Variants in IKZF3 observed in about 807,000 individuals in gnomAD.
IKZF3 encodes the protein zinc finger protein Aiolos.
Under a neutral mutation model 49.0 loss-of-function variants are expected in IKZF3, and 10 were observed. That is an observed-to-expected ratio of 0.20 (90% CI 0.13 to 0.35). The LOEUF (loss-of-function observed/expected upper bound fraction) is 0.35, where lower values mean the gene tolerates loss of function less well. Ranked by LOEUF, IKZF3 falls within the 10% of genes least tolerant of loss-of-function variation. IKZF3 has a pLI of 1.00. For missense variants in IKZF3, 498 were observed against 664.8 expected, an observed-to-expected ratio of 0.75 and a Z score of 2.76; for synonymous variants, 209 against 228.2, an observed-to-expected ratio of 0.92 and a Z score of 0.76.
At chr17:39,843,734 G>T (rs574794873) in intron 1 of IKZF3, among the ~76,000 whole-genome samples, 3 of 151,782 alleles carry the variant, frequency 2.0e-5, no homozygotes, top group Admixed American at 1.3e-4. Context: ...TTGAACACGG[G>T]GGGCAGAGGT....
At chr17:39,789,220 A>C (rs907251385) in intron 5 of IKZF3, among the ~76,000 whole-genome samples, 28 of 152,302 alleles carry the variant, frequency 1.8e-4, no homozygotes, top group Admixed American at 1.8e-3. Context: ...ACCTGAGGTC[A>C]GGAGTTCGAG....
chr17:39,833,942 T>C (rs1244365589), intron 1 of IKZF3, among the ~76,000 whole-genome samples: 2 of 152,200 alleles, frequency 1.3e-5, no homozygotes, highest in African/African-American at 2.4e-5. Flanking sequence ...TCATCTAATG[T>C]CCTTTTTCTG....
At chr17:39,829,796 A>G (rs550428129) in intron 2 of IKZF3, among the ~76,000 whole-genome samples, 11 of 152,274 alleles carry the variant, frequency 7.2e-5, no homozygotes, top group African/African-American at 2.4e-4. Flanking sequence ...TACTAAAAAT[A>G]CAAAAATTAG....
intron 1 of IKZF3, among the ~76,000 whole-genome samples, chr17:39,862,736 T>C (rs1408348773): frequency 6.6e-6 from 1 of 152,184 alleles, no homozygotes; most frequent in Non-Finnish European, 1.5e-5. Context: ...ATTTATAGTC[T>C]ACACACTCTA....
intron 6 of IKZF3, among the ~76,000 whole-genome samples, chr17:39,782,418 C>T (rs2060766221): frequency 6.6e-6 from 1 of 151,992 alleles, no homozygotes; most frequent in African/African-American, 2.4e-5. Flanking sequence ...CAACAACACA[C>T]ACACACACAC....
intron 3 of IKZF3, among the ~76,000 whole-genome samples, chr17:39,801,409 T>C (rs755455880): frequency 6.6e-6 from 1 of 152,034 alleles, no homozygotes; most frequent in Non-Finnish European, 1.5e-5. Context: ...ATTAAACAAA[T>C]TGTGAAAGCA....
At chr17:39,849,625 C>G (rs1453356723) in intron 1 of IKZF3, among the ~76,000 whole-genome samples, 1 of 152,048 alleles carries the variant, frequency 6.6e-6, no homozygotes. Flanking sequence ...GAACTTCAAC[C>G]TGGGCAACAG....
Position 39,765,626 on chromosome 17 carries a change from C to A in IKZF3, c.*164G>T. ...AATATGCTAGACCTGCGAATAATTT[C>A]TGAAGGAAGACAGTGTTTCCCTGGC... On this transcript the variant is annotated 3_prime_UTR_variant, in exon 8 of 8. Coordinates refer to ENST00000346872, the MANE Select transcript of IKZF3 (RefSeq NM_012481.5). 1.8e-6 allele frequency: 1 copy of A among 559,208 alleles called. No homozygotes were observed. Among genetic ancestry groups the A allele is most frequent in the Non-Finnish European group, 3.1e-6 (1 of 318,154 alleles). The allele number at this position is 559,208 out of a possible 1,614,324, so 34.6% of individuals were successfully genotyped here. A position where few individuals can be genotyped will look rare whatever the true frequency, so the allele number is the denominator to read the frequency against.
At chr17:39,853,495 A>G (rs1366875642) in intron 1 of IKZF3, among the ~76,000 whole-genome samples, 1 of 152,174 alleles carries the variant, frequency 6.6e-6, no homozygotes, top group Non-Finnish European at 1.5e-5. Flanking sequence ...GGTTTTGCTG[A>G]TACTGTTTAA....
At chr17:39,781,186 A>G (rs1005866797) in intron 6 of IKZF3, among the ~76,000 whole-genome samples, 1 of 152,150 alleles carries the variant, frequency 6.6e-6, no homozygotes, top group African/African-American at 2.4e-5. Context: ...TTATTTATAT[A>G]TATTATTTCC....
chr17:39,863,989 T>A, intron 1 of IKZF3, 131 bp downstream of exon 1: 1 of 1,204,774 alleles, frequency 8.3e-7, no homozygotes, highest in Non-Finnish European at 1.2e-6. Flanking sequence ...TCCTCTGAAA[T>A]ACCTCATATT....
At chr17:39,822,311 C>G (rs528300777) in intron 3 of IKZF3, among the ~76,000 whole-genome samples, 17 of 152,270 alleles carry the variant, frequency 1.1e-4, no homozygotes, top group African/African-American at 4.1e-4. Context: ...AATCCCATGT[C>G]ATAGGAGGGA....
intron 3 of IKZF3, among the ~76,000 whole-genome samples, chr17:39,822,677 G>C (rs923586627): frequency 5.3e-5 from 8 of 151,188 alleles, no homozygotes; most frequent in Non-Finnish European, 1.0e-4. Flanking sequence ...CCGCCTCCTG[G>C]ATTCACACCA....
intron 7 of IKZF3, among the ~76,000 whole-genome samples, chr17:39,776,035 G>A (rs2060578055): frequency 6.6e-6 from 1 of 152,034 alleles, no homozygotes; most frequent in Admixed American, 6.5e-5. Flanking sequence ...CATTTCTAGA[G>A]TCAAAGCTTT....
At chr17:39,824,977 G>C (rs1326105767) in intron 3 of IKZF3, among the ~76,000 whole-genome samples, 1 of 152,152 alleles carries the variant, frequency 6.6e-6, no homozygotes, top group Non-Finnish European at 1.5e-5. Flanking sequence ...TTACGGGTGT[G>C]AGCCACCGCA....
chr17:39,766,052 C>G lies in IKZF3; in HGVS notation c.1268G>C (p.Arg423Pro), dbSNP rs146295860. 1 of 1,614,092 alleles carries G rather than the reference C, an allele frequency of 6.2e-7. No individual in the cohort carries two copies. The highest frequency in any genetic ancestry group is 8.5e-7 in the Non-Finnish European group (1 of 1,180,024). Residue 423 changes from arginine to proline, a missense_variant, in exon 8 of 8, where the codon CGC becomes CCC. This residue lies in a region of IKZF3 where 317 missense variants were observed against 397.3 expected (regional missense o/e 0.80). Transcript: ENST00000346872. ...NGMPLLKEVP[R>P]SYELLKPPPI... ...CGGGGGCTTGAGGAGTTCGTAAGAG[C>G]GGGGAACCTCCTTCAGAAGTGGCAT...
intron 1 of IKZF3, among the ~76,000 whole-genome samples, chr17:39,838,334 GGAAT>G (rs1168869800): frequency 6.6e-6 from 1 of 152,042 alleles, no homozygotes; most frequent in African/African-American, 2.4e-5. Flanking sequence ...ATATTCAGAA[GGAAT>G]AATTTCTATT....
intron 1 of IKZF3, chr17:39,835,490 C>T: frequency 4.5e-6 from 2 of 442,706 alleles, no homozygotes; most frequent in Admixed American, 5.3e-5. Flanking sequence ...TTGGAGATCT[C>T]CGTCTTTGTA....
intron 3 of IKZF3, among the ~76,000 whole-genome samples, chr17:39,807,253 C>G (rs151330975): frequency 1.3e-5 from 2 of 152,108 alleles, no homozygotes; most frequent in Non-Finnish European, 2.9e-5. Context: ...GCCAACAATT[C>G]TAGGTATCTG....
Sources: gnomAD v4.1 joint callset for allele counts (sites outside exome capture counted in the v4.1 genomes callset) on GRCh38, gnomAD v4.1.1 for gene constraint, gnomAD v4.1.1 regional missense constraint, MANE v1.5 for transcripts, NCBI Gene and HGNC (gene_info 2026-07-23, HGNC 2026-07-21) for gene names.